PIK3R3: variants seen among roughly 807,000 people sequenced by gnomAD.
The protein encoded by PIK3R3 is phosphoinositide-3-kinase regulatory subunit 3, also known as phosphatidylinositol 3-kinase regulatory subunit gamma.
In PIK3R3, 64 loss-of-function variants were observed where a neutral mutation model predicts 62.9. The ratio of observed to expected loss-of-function variants is 1.02; its 90% CI spans 0.83 to 1.25. The LOEUF is 1.25. PIK3R3 is among the 50% of genes most tolerant of loss of function. PIK3R3 has a pLI of 0.00. For missense variants in PIK3R3, 614 were observed against 561.6 expected, an observed-to-expected ratio of 1.09 and a Z score of -0.94; for synonymous variants, 165 against 189.0, an observed-to-expected ratio of 0.87 and a Z score of 1.04.
chr1:46,133,952 C>T (rs1320894806), upstream of PIK3R3, among the ~76,000 whole-genome samples: 1 of 152,184 alleles, frequency 6.6e-6, no homozygotes, highest in Admixed American at 6.5e-5. Context: ...ACCCCCAAAG[C>T]TTAAATCTGG....
chr1:46,160,803 T>C, the PIK3R3 span, among the ~76,000 whole-genome samples: 1 of 152,200 alleles, frequency 6.6e-6, no homozygotes, highest in African/African-American at 2.4e-5. Context: ...AGATAGGATT[T>C]CAGTGCCCAT....
chr1:46,152,623 C>T, the PIK3R3 span, among the ~76,000 whole-genome samples: 108 of 139,880 alleles, frequency 7.7e-4, no homozygotes, highest in Admixed American at 8.4e-3. Flanking sequence ...AGTGCAGTGG[C>T]GTGATCTCTG....
At chr1:46,064,871 A>G (rs1170793761) in intron 5 of PIK3R3, among the ~76,000 whole-genome samples, 2 of 152,146 alleles carry the variant, frequency 1.3e-5, no homozygotes, top group Non-Finnish European at 2.9e-5. Flanking sequence ...TTAAGAAGCT[A>G]GGAAAAGAGA....
intron 3 of PIK3R3, among the ~76,000 whole-genome samples, chr1:46,073,233 C>T (rs998668029): frequency 6.6e-6 from 1 of 152,172 alleles, no homozygotes; most frequent in Middle Eastern, 3.2e-3. Context: ...ACCATGTCCA[C>T]CTTGCCTTTG....
rs190962644 is a variant in PIK3R3, at chr1:46,056,825, A to C, written c.765-854T>G. 13 of 152,380 alleles carry C rather than the reference A, an allele frequency of 8.5e-5. No homozygotes were observed. In the East Asian group the frequency reaches 2.5e-3, roughly 29 times the overall value. The allele number at this position is 152,380 out of a possible 1,614,324, so 9.4% of individuals were successfully genotyped here. Reference sequence around the variant, plus strand: ...CCCTGAATCCAGCAATGACTGAACAAGTAAAGCTATACATTTGATATTCCA... The same window carrying C: ...CCCTGAATCCAGCAATGACTGAACACGTAAAGCTATACATTTGATATTCCA... On this transcript the variant is annotated intron_variant, in intron 6 of 9. Coordinates refer to ENST00000262741, the MANE Select transcript of PIK3R3 (RefSeq NM_003629.4).
At chr1:46,068,269 TGTTAAA>T (rs1649187936) in intron 3 of PIK3R3, among the ~76,000 whole-genome samples, 1 of 152,208 alleles carries the variant, frequency 6.6e-6, no homozygotes, top group Non-Finnish European at 1.5e-5. Flanking sequence ...CTGGCCTCTC[TGTTAAA>T]GTTAAAAGAC....
At chr1:46,116,699 T>TTTAAATAATTTA (rs1557626948) in intron 1 of PIK3R3, among the ~76,000 whole-genome samples, 2 of 151,284 alleles carry the variant, frequency 1.3e-5, no homozygotes, top group African/African-American at 2.4e-5. Context: ...AATAAATAAA[T>TTTAAATAATTTA]AATAAAAATA....
At chr1:46,171,577 C>T in the PIK3R3 span, among the ~76,000 whole-genome samples, 2 of 152,110 alleles carry the variant, frequency 1.3e-5, no homozygotes, top group African/African-American at 2.4e-5. Flanking sequence ...GGGGTTGGAG[C>T]TGGGCTTCCG....
intron 7 of PIK3R3, among the ~76,000 whole-genome samples, chr1:46,052,166 T>C (rs77176171): frequency 1.3e-5 from 2 of 151,866 alleles, no homozygotes; most frequent in African/African-American, 4.8e-5. Flanking sequence ...AATAAATAAC[T>C]AAGAATAAAA....
At chr1:46,154,545 G>A in the PIK3R3 span, among the ~76,000 whole-genome samples, 1 of 152,126 alleles carries the variant, frequency 6.6e-6, no homozygotes. Flanking sequence ...CTCCAGCCTG[G>A]GTGACAGAGC....
intron 3 of PIK3R3, among the ~76,000 whole-genome samples, chr1:46,073,974 T>C (rs923655174): frequency 1.3e-5 from 2 of 150,116 alleles, no homozygotes; most frequent in African/African-American, 4.9e-5. Context: ...CAATATTAAA[T>C]GCAGAATGTG....
At chr1:46,103,087 C>T (rs1652857966) in intron 1 of PIK3R3, among the ~76,000 whole-genome samples, 1 of 152,096 alleles carries the variant, frequency 6.6e-6, no homozygotes, top group African/African-American at 2.4e-5. Flanking sequence ...TGCATGATCC[C>T]ACTTACTTAT....
the PIK3R3 span, among the ~76,000 whole-genome samples, chr1:46,155,603 A>G: frequency 4.8e-3 from 734 of 152,098 alleles, 15 homozygotes; most frequent in East Asian, 0.046. Context: ...ACGTGCCAGC[A>G]CACCCAGCTA....
chr1:46,127,263 G>A (rs1655170082), intron 1 of PIK3R3, among the ~76,000 whole-genome samples: 1 of 151,084 alleles, frequency 6.6e-6, no homozygotes, highest in Non-Finnish European at 1.5e-5. Context: ...GATCATTTGA[G>A]CCCAGGAGGT....
At chr1:46,155,328 A>G in the PIK3R3 span, among the ~76,000 whole-genome samples, 1 of 150,150 alleles carries the variant, frequency 6.7e-6, no homozygotes, top group African/African-American at 2.5e-5. Context: ...TCTCAACAAC[A>G]ACAAAAAAGA....
upstream of PIK3R3, among the ~76,000 whole-genome samples, chr1:46,133,263 A>G (rs1388353552): frequency 6.6e-6 from 1 of 152,278 alleles, no homozygotes; most frequent in Non-Finnish European, 1.5e-5. Flanking sequence ...GGTTACTGAC[A>G]GGCTGGGCGA....
At chr1:46,110,652 A>G (rs1332304213) in intron 1 of PIK3R3, among the ~76,000 whole-genome samples, 3 of 152,032 alleles carry the variant, frequency 2.0e-5, no homozygotes, top group Non-Finnish European at 4.4e-5. Flanking sequence ...ATATTTTCTT[A>G]CCCATCTTTG....
At chr1:46,084,620 A>G (rs745623545) in intron 1 of PIK3R3, among the ~76,000 whole-genome samples, 4 of 152,210 alleles carry the variant, frequency 2.6e-5, no homozygotes, top group Non-Finnish European at 4.4e-5. Flanking sequence ...CCCACTTAAC[A>G]CAAGAATTAA....
At chr1:46,070,272 T>C (rs886668988) in intron 3 of PIK3R3, among the ~76,000 whole-genome samples, 1 of 152,168 alleles carries the variant, frequency 6.6e-6, no homozygotes, top group Non-Finnish European at 1.5e-5. Context: ...TGGGATCCAG[T>C]CTACAAACAG....
Sources: allele counts gnomAD v4.1 joint callset (sites outside exome capture counted in the v4.1 genomes callset), GRCh38; gene constraint gnomAD v4.1.1; transcripts MANE v1.5; gene names NCBI Gene and HGNC (gene_info 2026-07-23, HGNC 2026-07-21).